Variants in RPS6KA6 observed in about 807,000 individuals in gnomAD.
The protein encoded by RPS6KA6 is ribosomal protein S6 kinase A6.
A neutral mutation model predicts 65.4 loss-of-function variants in RPS6KA6; 27 were observed. That is an observed-to-expected ratio of 0.41 (90% CI 0.30 to 0.57). The LOEUF (loss-of-function observed/expected upper bound fraction) is 0.57, where lower values mean the gene tolerates loss of function less well. Ranked by LOEUF, RPS6KA6 falls within the 20% of genes least tolerant of loss-of-function variation. RPS6KA6 has a pLI of 0.24. For synonymous variants in RPS6KA6, 190 were observed against 184.2 expected, an observed-to-expected ratio of 1.03 and a Z score of -0.26; for missense variants, 486 against 555.6, an observed-to-expected ratio of 0.87 and a Z score of 1.26.
intron 8 of RPS6KA6, among the ~76,000 whole-genome samples, chrX:84,131,831 G>A (rs1304020609): frequency 1.8e-5 from 2 of 111,393 alleles, no homozygotes; most frequent in African/African-American, 3.3e-5. Flanking sequence ...GGTTATTTTG[G>A]GGGGTAGGTT....
chrX:84,129,484 T>A (rs913729249), intron 8 of RPS6KA6, among the ~76,000 whole-genome samples: 1 of 111,440 alleles, frequency 9.0e-6, no homozygotes. Context: ...GATCCATTAA[T>A]CCCACTGCTG....
chrX:84,106,629 C>T (rs1156740413), intron 14 of RPS6KA6, 142 bp from the exon 15 acceptor site: 2 of 486,074 alleles, frequency 4.1e-6, no homozygotes, highest in Non-Finnish European at 6.5e-6. Flanking sequence ...TTATAAATGG[C>T]GTGAACCAAT....
intron 20 of RPS6KA6, among the ~76,000 whole-genome samples, chrX:84,094,173 C>A (rs1271232338): frequency 9.1e-6 from 1 of 109,925 alleles, no homozygotes; most frequent in Admixed American, 9.9e-5. Flanking sequence ...CTGTTCTGTC[C>A]ACACAAAGAA....
intron 20 of RPS6KA6, among the ~76,000 whole-genome samples, chrX:84,066,129 T>C (rs1455074996): frequency 1.8e-5 from 2 of 110,894 alleles, no homozygotes; most frequent in Non-Finnish European, 3.8e-5. Context: ...GATTCCCTGG[T>C]GTGCCTACAC....
intron 6 of RPS6KA6, among the ~76,000 whole-genome samples, chrX:84,136,798 C>T (rs1281070460): frequency 9.0e-6 from 1 of 110,937 alleles, no homozygotes; most frequent in Non-Finnish European, 1.9e-5. Context: ...TTATAGCTTC[C>T]AAACTCTATG....
chrX:84,151,588 C>T (rs1056374301), intron 3 of RPS6KA6, among the ~76,000 whole-genome samples: 1 of 110,874 alleles, frequency 9.0e-6, no homozygotes, highest in Non-Finnish European at 1.9e-5. Flanking sequence ...TCCATAAAAA[C>T]AGTGGTTGGT....
chrX:84,098,187 A>G (rs2034193069), intron 18 of RPS6KA6, among the ~76,000 whole-genome samples: 1 of 111,551 alleles, frequency 9.0e-6, no homozygotes, highest in Non-Finnish European at 1.9e-5. Flanking sequence ...AATGTTAAGT[A>G]ACTTACCCAA....
chrX:84,140,260 G>A (rs1279577563), intron 6 of RPS6KA6, among the ~76,000 whole-genome samples: 2 of 111,329 alleles, frequency 1.8e-5, no homozygotes, highest in Non-Finnish European at 1.9e-5. Context: ...TTTTGCTTCA[G>A]TAGTGGAGCA....
chrX:84,165,345 C>T (rs925829037), intron 1 of RPS6KA6, among the ~76,000 whole-genome samples: 1 of 110,807 alleles, frequency 9.0e-6, no homozygotes, highest in Non-Finnish European at 1.9e-5. Flanking sequence ...AAGCCTATCT[C>T]CCCCTATTAT....
intron 20 of RPS6KA6, among the ~76,000 whole-genome samples, chrX:84,090,628 G>A (rs141815122): frequency 0.011 from 1,189 of 111,433 alleles, 19 homozygotes; most frequent in African/African-American, 0.034. Context: ...GAATGGACGC[G>A]GGGGAACTAC....
chrX:84,088,812 C>A (rs766371115), intron 20 of RPS6KA6, among the ~76,000 whole-genome samples: 1 of 112,379 alleles, frequency 8.9e-6, no homozygotes, highest in South Asian at 3.7e-4. Context: ...GTCCCAATAA[C>A]CTTGGCTGGA....
chrX:84,064,139 C>T lies in RPS6KA6; in HGVS notation c.*138G>A. 1 of 694,105 alleles carries T rather than the reference C, an allele frequency of 1.4e-6. No individual in the cohort carries two copies. The highest frequency in any genetic ancestry group is 4.0e-5 in the Admixed American group (1 of 25,063). The allele number at this position is 694,105 out of a possible 1,213,427, so 57.2% of individuals were successfully genotyped here. ...CCTGTGAATGGTTTTTTAAATCTCA[C>T]TTCCCCTAAAAATGGGGATTTAATA... On this transcript the variant is annotated 3_prime_UTR_variant, in exon 22 of 22. Coordinates refer to ENST00000262752, the MANE Select transcript of RPS6KA6 (RefSeq NM_014496.5).
intron 1 of RPS6KA6, among the ~76,000 whole-genome samples, chrX:84,178,513 T>C (rs1370073933): frequency 8.9e-6 from 1 of 112,090 alleles, no homozygotes; most frequent in African/African-American, 3.2e-5. Flanking sequence ...AGAAACAACC[T>C]CAAGAATTTT....
chrX:84,119,458 A>G (rs187898393), intron 9 of RPS6KA6, among the ~76,000 whole-genome samples: 139 of 111,909 alleles, frequency 1.2e-3, no homozygotes, highest in Admixed American at 2.7e-3. Flanking sequence ...GAAAAGTAGT[A>G]TAAGACATGA....
upstream of RPS6KA6, among the ~76,000 whole-genome samples, chrX:84,188,446 C>A (rs963549131): frequency 8.1e-5 from 9 of 110,654 alleles, no homozygotes; most frequent in African/African-American, 9.9e-5. Context: ...GCTGGGGAGG[C>A]GACTGAACAG....
At chrX:84,100,607 T>C (rs992319578) in intron 18 of RPS6KA6, among the ~76,000 whole-genome samples, 2 of 110,666 alleles carry the variant, frequency 1.8e-5, no homozygotes, top group Non-Finnish European at 3.8e-5. Context: ...ATGAGGACCT[T>C]TATGATGACC....
At chrX:84,085,638 T>C (rs2033902598) in intron 20 of RPS6KA6, among the ~76,000 whole-genome samples, 1 of 111,929 alleles carries the variant, frequency 8.9e-6, no homozygotes, top group Admixed American at 9.5e-5. Flanking sequence ...ACTGGAGTTA[T>C]TTGTTGTTGT....
chrX:84,140,363 TC>T (rs1467983561), intron 6 of RPS6KA6, among the ~76,000 whole-genome samples: 1 of 110,999 alleles, frequency 9.0e-6, no homozygotes, highest in Non-Finnish European at 1.9e-5. Context: ...AGAACAGAGA[TC>T]AATAATAGTT....
chrX:84,142,703 G>C (rs944002428), intron 6 of RPS6KA6, among the ~76,000 whole-genome samples: 3 of 110,937 alleles, frequency 2.7e-5, no homozygotes, highest in African/African-American at 9.8e-5. Context: ...GACAATAAGG[G>C]AATATTATGA....
Sources: allele counts gnomAD v4.1 joint callset (sites outside exome capture counted in the v4.1 genomes callset), GRCh38; gene constraint gnomAD v4.1.1; transcripts MANE v1.5; gene names NCBI Gene and HGNC (gene_info 2026-07-23, HGNC 2026-07-21).